Variants in NCKAP5 observed in about 807,000 individuals in gnomAD.
The protein encoded by NCKAP5 is nck-associated protein 5.
NCKAP5 carries 92 observed loss-of-function variants against 167.0 expected under a neutral mutation model. That is an observed-to-expected ratio of 0.55 (90% CI 0.47 to 0.66). NCKAP5 has a LOEUF of 0.66. Ranked by LOEUF, NCKAP5 falls within the 30% of genes least tolerant of loss-of-function variation. The probability of loss-of-function intolerance (pLI) is 0.00; values close to 1 mark genes in which losing one functional copy is unlikely to be tolerated. For missense variants in NCKAP5, 2,378 were observed against 2,315.0 expected (o/e 1.03, Z -0.56); for synonymous variants, 891 against 877.4 (o/e 1.02, Z -0.27).
At chr2:132,785,831 A>G in intron 13 of NCKAP5, 113 bp from the exon 14 acceptor site, 1 of 747,224 alleles carries the variant, frequency 1.3e-6, no homozygotes, top group Non-Finnish European at 1.9e-6. Flanking sequence ...AACTATTCAC[A>G]TATAAATGCC....
chr2:132,837,512 A>G (rs1224946329), intron 11 of NCKAP5, among the ~76,000 whole-genome samples: 3 of 151,726 alleles, frequency 2.0e-5, no homozygotes, highest in African/African-American at 7.3e-5. Flanking sequence ...CATATTTTTA[A>G]TTCCTAAGAA....
At chr2:133,597,704 GA>G in the NCKAP5 span, among the ~76,000 whole-genome samples, 19 of 136,608 alleles carry the variant, frequency 1.4e-4, no homozygotes, top group African/African-American at 2.8e-4. Flanking sequence ...AAAAAGAAGA[GA>G]AAAAAAAGGG....
At chr2:133,184,201 G>A (rs2084849181) in intron 5 of NCKAP5, among the ~76,000 whole-genome samples, 1 of 151,942 alleles carries the variant, frequency 6.6e-6, no homozygotes, top group Non-Finnish European at 1.5e-5. Flanking sequence ...CCACCTATAA[G>A]TGAAAACACA....
rs949311562 is a variant in NCKAP5 at position 133,482,963 on chromosome 2, A to T, written c.69+34495T>A. Among the ~76,000 whole-genome samples the T allele has an allele frequency of 2.0e-5, 3 of 152,296 alleles. No homozygotes were observed. In the South Asian group the frequency reaches 6.2e-4, roughly 32 times the overall value. On this transcript the variant is annotated intron_variant, in intron 3 of 19. Transcript: ENST00000409261. ...TAGAACCGATGCAAAAATTAAACTT[A>T]TATCTCATTTTTCCATGACATTGTT...
Position 132,803,754 on chromosome 2 carries a change from C to T in NCKAP5, c.808-7025G>A, listed in dbSNP as rs547330206. ...CTCTAATTAGTCTAACACTGATTTA[C>T]GCTTTATGCTTTATGAAGCATCTAC... On this transcript the variant is annotated intron_variant, in intron 11 of 19. Coordinates refer to ENST00000409261, the MANE Select transcript of NCKAP5 (RefSeq NM_207363.3). 7.0e-4 allele frequency among the ~76,000 whole-genome samples: 106 copies of T among 152,306 alleles called. No homozygotes were observed. The Middle Eastern group carries it at 0.01, about 15-fold the overall frequency.
chr2:133,241,727 A>G (rs767198987), intron 4 of NCKAP5, among the ~76,000 whole-genome samples: 1 of 152,168 alleles, frequency 6.6e-6, no homozygotes, highest in Non-Finnish European at 1.5e-5. Context: ...ATATCCCAGG[A>G]ACGTGGTTTG....
At chr2:133,395,552 T>C (rs1687681412) in intron 3 of NCKAP5, among the ~76,000 whole-genome samples, 2 of 152,220 alleles carry the variant, frequency 1.3e-5, no homozygotes, top group South Asian at 4.1e-4. Flanking sequence ...CAGAACATTA[T>C]ACAGTAGTTT....
At chr2:133,133,053 C>T (rs1308328815) in intron 5 of NCKAP5, among the ~76,000 whole-genome samples, 2 of 152,206 alleles carry the variant, frequency 1.3e-5, no homozygotes, top group East Asian at 3.9e-4. Context: ...TCTGTATTCG[C>T]TATATTCTGG....
chr2:132,949,003 T>A (rs867291065), intron 8 of NCKAP5, among the ~76,000 whole-genome samples: 1 of 130,226 alleles, frequency 7.7e-6, no homozygotes, highest in Non-Finnish European at 1.6e-5. Context: ...TCCAGAGAAA[T>A]GAAAAGAAAA....
intron 19 of NCKAP5, among the ~76,000 whole-genome samples, chr2:132,687,469 T>C (rs564317758): frequency 3.0e-4 from 45 of 152,292 alleles, no homozygotes; most frequent in African/African-American, 9.9e-4. Flanking sequence ...TCCTCTTTGC[T>C]AGATTTAGTG....
At chr2:133,221,429 A>G (rs1175370578) in intron 4 of NCKAP5, among the ~76,000 whole-genome samples, 1 of 152,238 alleles carries the variant, frequency 6.6e-6, no homozygotes, top group Non-Finnish European at 1.5e-5. Context: ...GCTAACTGAA[A>G]CTATATAATC....
intron 5 of NCKAP5, among the ~76,000 whole-genome samples, chr2:133,130,697 G>C (rs1292122235): frequency 6.6e-6 from 1 of 152,150 alleles, no homozygotes; most frequent in Admixed American, 6.5e-5. Flanking sequence ...CTCACGAACG[G>C]GTATCAGGGA....
At chr2:132,765,529 G>A (rs1251285629) in intron 16 of NCKAP5, among the ~76,000 whole-genome samples, 1 of 150,894 alleles carries the variant, frequency 6.6e-6, no homozygotes, top group Non-Finnish European at 1.5e-5. Context: ...TGGCCAGGAT[G>A]GTCTCCATCT....
intron 4 of NCKAP5, among the ~76,000 whole-genome samples, chr2:133,227,074 C>A (rs1382040126): frequency 1.3e-5 from 2 of 152,292 alleles, no homozygotes; most frequent in East Asian, 3.9e-4. Context: ...GAGGAAATGG[C>A]AGTCACATTT....
At chr2:133,004,875 G>A (rs1417299264) in intron 6 of NCKAP5, among the ~76,000 whole-genome samples, 1 of 152,154 alleles carries the variant, frequency 6.6e-6, no homozygotes, top group African/African-American at 2.4e-5. Flanking sequence ...CTCCCCCTGG[G>A]AATGCATTCC....
chr2:132,762,927 T>G lies in NCKAP5; in HGVS notation c.5128+10889A>C, dbSNP rs948880944. Among the ~76,000 whole-genome samples, 5 of 152,320 alleles carry G rather than the reference T, an allele frequency of 3.3e-5. No individual in the cohort carries two copies. In the East Asian group the frequency reaches 7.7e-4, roughly 24 times the overall value. The stretch of plus-strand genomic sequence containing the variant: ...GGTGGGAAATTCAGACATATTCTGG[T>G]AGGCTGGTATGAGAGCTTTTTTTGG... On this transcript the variant is annotated intron_variant, in intron 16 of 19. Coordinates refer to ENST00000409261, the MANE Select transcript of NCKAP5 (RefSeq NM_207363.3).
At chr2:132,970,895 C>T (rs1052154250) in intron 7 of NCKAP5, among the ~76,000 whole-genome samples, 1 of 152,210 alleles carries the variant, frequency 6.6e-6, no homozygotes, top group African/African-American at 2.4e-5. Flanking sequence ...AGTCTATACC[C>T]TTCCCCAAAA....
chr2:132,920,679 AAGT>A lies in NCKAP5; in HGVS notation c.580-41766_580-41764del, dbSNP rs1558942392. Among the ~76,000 whole-genome samples the A allele has an allele frequency of 1.1e-3, 125 of 111,090 alleles. 6 individuals are homozygous for A. Among genetic ancestry groups the A allele is most frequent in the African/African-American group, 3.3e-3 (77 of 23,656 alleles). The allele number at this position is 111,090 out of a possible 152,430, so 72.9% of individuals were successfully genotyped here. On this transcript the variant is annotated intron_variant, in intron 8 of 19. Transcript: ENST00000409261. ...AGAACTTATATATATATATATATAT[AAGT>A]TAGTTTATATATATATATACGTATA...
chr2:133,168,435 TTC>T (rs2084096693), intron 5 of NCKAP5, among the ~76,000 whole-genome samples: 1 of 151,964 alleles, frequency 6.6e-6, no homozygotes, highest in Admixed American at 6.6e-5. Flanking sequence ...GTTTCTGGGG[TTC>T]CTTTCATTAT....
Sources: gnomAD v4.1 joint callset for allele counts (sites outside exome capture counted in the v4.1 genomes callset) on GRCh38, gnomAD v4.1.1 for gene constraint, MANE v1.5 for transcripts, NCBI Gene and HGNC (gene_info 2026-07-23, HGNC 2026-07-21) for gene names.